Variants in CCDC171 observed in about 807,000 individuals in gnomAD.
The protein encoded by CCDC171 is coiled-coil domain containing 171.
Under a neutral mutation model 168.2 loss-of-function variants are expected in CCDC171, and 177 were observed. That is an observed-to-expected ratio of 1.05 (90% confidence interval 0.93 to 1.19). The LOEUF is 1.19. Among genes scored for constraint, CCDC171 ranks in the 50% most tolerant of loss-of-function variants. The pLI, the probability that CCDC171 is intolerant of heterozygous loss-of-function variation, is 0.00. For missense variants in CCDC171, 1,991 were observed against 1,539.0 expected (o/e 1.29, Z -4.91); for synonymous variants, 687 against 540.8 (o/e 1.27, Z -3.75).
chr9:15,885,903 CTGT>C (rs1484842748), intron 24 of CCDC171: 4 of 152,128 alleles, frequency 2.6e-5, no homozygotes, highest in Non-Finnish European at 4.4e-5. Context: ...GTTAAACAGA[CTGT>C]TATTACTCTC....
At chr9:15,964,922 G>A (rs1303414222) in intron 25 of CCDC171, among the ~76,000 whole-genome samples, 1 of 152,042 alleles carries the variant, frequency 6.6e-6, no homozygotes, top group East Asian at 1.9e-4. Context: ...CAGCATGCCT[G>A]GCTAATTTTT....
At chr9:15,653,077 T>C (rs2047651586) in intron 7 of CCDC171, among the ~76,000 whole-genome samples, 1 of 152,328 alleles carries the variant, frequency 6.6e-6, no homozygotes, top group Non-Finnish European at 1.5e-5. Context: ...ATTTACTTTT[T>C]CTGTTTAGTC....
In CCDC171 at chr9:15,757,742, G is replaced by A. The variant is rs150656967; in HGVS notation, c.2671+12111G>A. On this transcript the variant is annotated intron_variant, in intron 18 of 25. Coordinates refer to ENST00000380701, the MANE Select transcript of CCDC171 (RefSeq NM_173550.4). ...CCAGTCCCAGGGTCCCCCGTGCTGT[G>A]GTCAGCCTAGGGGCTTGATGCCCTG... is the stretch of plus-strand genomic sequence containing the variant. Among the ~76,000 whole-genome samples, 9 of 152,286 alleles carry A rather than the reference G, an allele frequency of 5.9e-5. No homozygotes were observed. The East Asian group carries it at 1.7e-3, about 29-fold the overall frequency.
At chr9:15,730,549 C>T (rs975247918) in intron 16 of CCDC171, among the ~76,000 whole-genome samples, 2 of 151,722 alleles carry the variant, frequency 1.3e-5, no homozygotes, top group African/African-American at 2.4e-5. Flanking sequence ...ATATTCTTCC[C>T]ATGGTTGATT....
intron 10 of CCDC171, among the ~76,000 whole-genome samples, chr9:15,688,376 C>G (rs2050559278): frequency 6.6e-6 from 1 of 152,036 alleles, no homozygotes; most frequent in Non-Finnish European, 1.5e-5. Flanking sequence ...TCTGTGAAAT[C>G]AGTATTATTA....
At chr9:16,030,922 A>C (rs966815661) in intron 6 of CCDC171, among the ~76,000 whole-genome samples, 12 of 152,164 alleles carry the variant, frequency 7.9e-5, no homozygotes, top group South Asian at 2.1e-4. Context: ...CAAAGCAGAA[A>C]GAGAATGAAA....
intron 21 of CCDC171, among the ~76,000 whole-genome samples, chr9:15,845,202 A>G (rs1030274044): frequency 2.0e-5 from 3 of 152,094 alleles, no homozygotes; most frequent in African/African-American, 7.2e-5. Flanking sequence ...CATTGGCACA[A>G]AATTAGTAGG....
intron 20 of CCDC171, among the ~76,000 whole-genome samples, chr9:15,780,550 G>C (rs1198211415): frequency 6.6e-6 from 1 of 151,954 alleles, no homozygotes; most frequent in Non-Finnish European, 1.5e-5. Context: ...TAAAAACGAG[G>C]AAAGTTAAAA....
At chr9:16,052,728 A>G (rs1354525444) in intron 1 of CCDC171, among the ~76,000 whole-genome samples, 4 of 151,840 alleles carry the variant, frequency 2.6e-5, no homozygotes, top group Non-Finnish European at 5.9e-5. Context: ...TTTGTCCTGT[A>G]TTTATCACTT....
downstream of CCDC171, among the ~76,000 whole-genome samples, chr9:16,065,676 C>G (rs1833982821): frequency 6.6e-6 from 1 of 152,182 alleles, no homozygotes; most frequent in Admixed American, 6.5e-5. Context: ...ACATTATTCA[C>G]TCCAAGAGAA....
intron 4 of CCDC171, among the ~76,000 whole-genome samples, chr9:15,589,713 T>C (rs1488933124): frequency 3.3e-5 from 5 of 152,066 alleles, no homozygotes; most frequent in Admixed American, 3.3e-4. Context: ...TTGAAAAAAT[T>C]AACAAATTAA....
At chr9:15,594,369 T>C (rs2042192287) in intron 6 of CCDC171, among the ~76,000 whole-genome samples, 197 bp downstream of exon 6, 1 of 152,162 alleles carries the variant, frequency 6.6e-6, no homozygotes, top group Admixed American at 6.6e-5. Flanking sequence ...TAGAGTTCAG[T>C]GATTTCCATT....
At chr9:15,813,333 G>C (rs980658626) in intron 21 of CCDC171, among the ~76,000 whole-genome samples, 3 of 152,204 alleles carry the variant, frequency 2.0e-5, no homozygotes, top group African/African-American at 7.2e-5. Context: ...CTACAAGACG[G>C]AACATGTGGG....
intron 25 of CCDC171, 79 bp downstream of exon 25, chr9:15,920,501 A>C: frequency 9.7e-7 from 1 of 1,025,940 alleles, no homozygotes; most frequent in Non-Finnish European, 1.4e-6. Context: ...AATGTTCATA[A>C]GATCATTTGC....
At chr9:15,564,938 G>C (rs997536433) in intron 2 of CCDC171, among the ~76,000 whole-genome samples, 1 of 152,102 alleles carries the variant, frequency 6.6e-6, no homozygotes, top group Non-Finnish European at 1.5e-5. Flanking sequence ...ATGGGGTGAA[G>C]ATAGTCCTTC....
intron 6 of CCDC171, among the ~76,000 whole-genome samples, chr9:15,618,796 G>T (rs924127608): frequency 4.6e-5 from 7 of 151,960 alleles, no homozygotes; most frequent in African/African-American, 1.7e-4. Context: ...AGGGTGAAGT[G>T]ACGCCCCACC....
chr9:15,750,115 A>T (rs1275212838), intron 18 of CCDC171, among the ~76,000 whole-genome samples: 1 of 152,102 alleles, frequency 6.6e-6, no homozygotes, highest in African/African-American at 2.4e-5. Flanking sequence ...AAATAGATGC[A>T]ATAAAAAATG....
chr9:16,098,089 A>C, the CCDC171 span, among the ~76,000 whole-genome samples: 1 of 152,216 alleles, frequency 6.6e-6, no homozygotes. Context: ...TGTTTTGTTC[A>C]ATGCAATCCA....
Position 16,037,230 on chromosome 9 carries a change from A to G in CCDC171, n.1181+1024A>G, listed in dbSNP as rs559044907. Among the ~76,000 whole-genome samples the G allele has an allele frequency of 2.6e-5, 4 of 152,350 alleles. No individual in the cohort carries two copies. In the East Asian group the frequency reaches 7.7e-4, roughly 29 times the overall value. Reference sequence around the variant, plus strand: ...GAATTGATCATTACATATTGTACACATATATGAAAATGCCACTCTGTACCC... The same window carrying G: ...GAATTGATCATTACATATTGTACACGTATATGAAAATGCCACTCTGTACCC... On this transcript the variant is annotated intron_variant and non_coding_transcript_variant, in intron 8 of 9. Coordinates refer to the CCDC171 transcript ENST00000486641.
Sources: allele counts gnomAD v4.1 joint callset (sites outside exome capture counted in the v4.1 genomes callset), GRCh38; gene constraint gnomAD v4.1.1; transcripts MANE v1.5; gene names NCBI Gene and HGNC (gene_info 2026-07-23, HGNC 2026-07-21).